The following FKBP1A variants were observed in gnomAD, a reference collection of about 807,000 sequenced individuals.
The protein encoded by FKBP1A is peptidyl-prolyl cis-trans isomerase FKBP1A.
FKBP1A carries 5 observed loss-of-function variants against 14.2 expected under a neutral mutation model. The ratio of observed to expected loss-of-function variants is 0.35; its 90% confidence interval spans 0.18 to 0.74. FKBP1A has a LOEUF of 0.74. FKBP1A is among the 30% of genes least tolerant of loss of function. The pLI, the probability that FKBP1A is intolerant of heterozygous loss-of-function variation, is 0.56. For missense variants in FKBP1A, 53 were observed against 138.8 expected, an observed-to-expected ratio of 0.38 and a Z score of 3.10; for synonymous variants, 42 against 49.1, an observed-to-expected ratio of 0.86 and a Z score of 0.60.
At chr20:1,388,261 A>G (rs1225211054) in intron 2 of FKBP1A, among the ~76,000 whole-genome samples, 1 of 152,244 alleles carries the variant, frequency 6.6e-6, no homozygotes, top group African/African-American at 2.4e-5. Context: ...CAATACCATG[A>G]GAAAACAGTA....
intron 2 of FKBP1A, among the ~76,000 whole-genome samples, chr20:1,381,564 T>C (rs1246758179): frequency 6.6e-6 from 1 of 152,220 alleles, no homozygotes; most frequent in Non-Finnish European, 1.5e-5. Flanking sequence ...CCAGCCATTC[T>C]GATCTTGAGT....
rs396721 is a variant in FKBP1A at position 1,384,886 on chromosome 20, C to G, written c.85+7948G>C. Among the ~76,000 whole-genome samples, 1,290 of 152,268 alleles carry G rather than the reference C, an allele frequency of 8.5e-3. 18 individuals carry two copies. The highest frequency in any genetic ancestry group is 0.029 in the African/African-American group (1,219 of 41,532). On this transcript the variant is annotated intron_variant, in intron 2 of 4. Coordinates refer to ENST00000400137, the MANE Select transcript of FKBP1A (RefSeq NM_000801.5). ...TACGCAGTATGGAAATGCTTCTAAC[C>G]TTTGGCTAAATCCCTTTAGATCCTA...
chr20:1,374,118 A>G (rs1057309592), intron 3 of FKBP1A, among the ~76,000 whole-genome samples: 3 of 152,224 alleles, frequency 2.0e-5, no homozygotes, highest in Non-Finnish European at 4.4e-5. Flanking sequence ...CTCCTGGGTG[A>G]GAGGGAAGCA....
chr20:1,370,147 C>CA, intron 4 of FKBP1A, 75 bp from the exon 5 acceptor site: 1 of 1,521,342 alleles, frequency 6.6e-7, no homozygotes, highest in Non-Finnish European at 8.8e-7. Context: ...GCCACGATGC[C>CA]ATCTGCCACG....
chr20:1,391,235 T>G (rs889316939), intron 2 of FKBP1A, among the ~76,000 whole-genome samples: 7 of 151,792 alleles, frequency 4.6e-5, no homozygotes, highest in Non-Finnish European at 8.8e-5. Flanking sequence ...ACGGCTTGAG[T>G]CCCAATCTTT....
At chr20:1,383,225 G>A (rs2089635302) in intron 2 of FKBP1A, among the ~76,000 whole-genome samples, 1 of 152,020 alleles carries the variant, frequency 6.6e-6, no homozygotes, top group Admixed American at 6.6e-5. Flanking sequence ...CAGACTTATG[G>A]CTTCACTACT....
At chr20:1,388,550 A>G (rs2089694188) in intron 2 of FKBP1A, among the ~76,000 whole-genome samples, 1 of 152,234 alleles carries the variant, frequency 6.6e-6, no homozygotes. Flanking sequence ...AAGCTCTCAT[A>G]GCCCGTTGTA....
At chr20:1,384,737 G>A (rs962245255) in intron 2 of FKBP1A, among the ~76,000 whole-genome samples, 1 of 152,054 alleles carries the variant, frequency 6.6e-6, no homozygotes, top group Non-Finnish European at 1.5e-5. Flanking sequence ...CCTGAAGTGG[G>A]GTTCTGAGAA....
chr20:1,375,663 C>T, intron 2 of FKBP1A, 60 bp from the exon 3 acceptor site: 1 of 1,212,324 alleles, frequency 8.2e-7, no homozygotes, highest in South Asian at 1.2e-5. Flanking sequence ...AAGTCAGAAA[C>T]CAGCAGCAGA....
intron 2 of FKBP1A, among the ~76,000 whole-genome samples, chr20:1,385,842 A>G (rs1334467572): frequency 6.6e-6 from 1 of 152,242 alleles, no homozygotes; most frequent in Admixed American, 6.5e-5. Context: ...TTGCTCAAAC[A>G]GTCACATAGG....
chr20:1,385,251 A>G (rs952830137), intron 2 of FKBP1A, among the ~76,000 whole-genome samples: 1 of 152,108 alleles, frequency 6.6e-6, no homozygotes, highest in African/African-American at 2.4e-5. Context: ...TCAGCCGGGC[A>G]TGGTGGCGTG....
At chr20:1,370,808 A>G in intron 4 of FKBP1A, 1 of 985,396 alleles carries the variant, frequency 1.0e-6, no homozygotes, top group Non-Finnish European at 1.2e-6. Context: ...CCTCGAGTAC[A>G]GTTATGTTCA....
At chr20:1,373,116 C>T (rs991842920) in intron 3 of FKBP1A, 4 of 152,346 alleles carry the variant, frequency 2.6e-5, no homozygotes, top group Admixed American at 2.0e-4. Flanking sequence ...GGCTGTGAAG[C>T]GTCTAGTCCT....
chr20:1,392,005 T>G (rs768942443), intron 2 of FKBP1A, among the ~76,000 whole-genome samples: 12 of 152,068 alleles, frequency 7.9e-5, no homozygotes, highest in Non-Finnish European at 1.6e-4. Context: ...ACGACTCTGA[T>G]GTCTGAATTC....
intron 2 of FKBP1A, among the ~76,000 whole-genome samples, chr20:1,387,452 C>T (rs2089679336): frequency 6.6e-6 from 1 of 152,138 alleles, no homozygotes; most frequent in Admixed American, 6.5e-5. Flanking sequence ...AAAATTTCAG[C>T]CCACAGTACA....
intron 3 of FKBP1A, among the ~76,000 whole-genome samples, chr20:1,373,941 GA>G (rs762978770): frequency 2.0e-5 from 3 of 152,200 alleles, no homozygotes; most frequent in Non-Finnish European, 2.9e-5. Flanking sequence ...TGCCCTGCAG[GA>G]ACAGAAACCC....
At chr20:1,370,786 A>C in intron 4 of FKBP1A, 1 of 985,372 alleles carries the variant, frequency 1.0e-6, no homozygotes, top group Non-Finnish European at 1.2e-6. Context: ...CAGGAAAATA[A>C]TTCCAAGGCT....
chr20:1,372,772 A>C (rs1349927596), intron 3 of FKBP1A, among the ~76,000 whole-genome samples: 2 of 152,250 alleles, frequency 1.3e-5, no homozygotes, highest in Non-Finnish European at 2.9e-5. Flanking sequence ...TCTGGGCTAC[A>C]AAATAGCATT....
chr20:1,384,377 C>G (rs893569093), intron 2 of FKBP1A, among the ~76,000 whole-genome samples: 1 of 152,118 alleles, frequency 6.6e-6, no homozygotes, highest in Admixed American at 6.5e-5. Flanking sequence ...AGAAAGAAAT[C>G]TTAAAAATCT....
Sources: gnomAD v4.1 joint callset for allele counts (sites outside exome capture counted in the v4.1 genomes callset) on GRCh38, gnomAD v4.1.1 for gene constraint, MANE v1.5 for transcripts, NCBI Gene and HGNC (gene_info 2026-07-23, HGNC 2026-07-21) for gene names.